Variants in TBC1D4 observed in about 807,000 individuals in gnomAD.
TBC1D4 encodes TBC (Tre-2, BUB2, CDC16) domain-containing protein.
TBC1D4 carries 121 observed loss-of-function variants against 142.5 expected under a neutral mutation model. The observed-to-expected ratio is 0.85, with a 90% confidence interval of 0.73 to 0.99. The LOEUF is 0.99. Among genes scored for constraint, TBC1D4 ranks in the 50% least tolerant of loss-of-function variants. The pLI, the probability that TBC1D4 is intolerant of heterozygous loss-of-function variation, is 0.00. For synonymous variants in TBC1D4, 630 were observed against 628.2 expected (o/e 1.00, Z -0.04); for missense variants, 1,475 against 1,606.6 (o/e 0.92, Z 1.40).
chr13:75,330,076 C>T (rs1383114898), intron 8 of TBC1D4, among the ~76,000 whole-genome samples: 1 of 152,162 alleles, frequency 6.6e-6, no homozygotes, highest in Admixed American at 6.5e-5. Flanking sequence ...TAAAAATTTC[C>T]TTGCAGGCAT....
chr13:75,302,144 T>C (rs1178444850), intron 16 of TBC1D4, 99 bp downstream of exon 16: 3 of 1,454,328 alleles, frequency 2.1e-6, no homozygotes, highest in Admixed American at 3.4e-5. Flanking sequence ...TGCCAACAGG[T>C]GCTCTTTATC....
chr13:75,297,247 T>G (rs1432636568), intron 17 of TBC1D4, among the ~76,000 whole-genome samples: 3 of 152,232 alleles, frequency 2.0e-5, no homozygotes, highest in Non-Finnish European at 4.4e-5. Flanking sequence ...CATGAATTTT[T>G]GTAATGTCAA....
intron 1 of TBC1D4, among the ~76,000 whole-genome samples, chr13:75,439,559 T>C (rs796429708): frequency 2.9e-4 from 44 of 152,356 alleles, no homozygotes; most frequent in African/African-American, 9.6e-4. Context: ...TATTCTTGCT[T>C]AGAATATATT....
intron 1 of TBC1D4, among the ~76,000 whole-genome samples, chr13:75,419,022 GT>G (rs1886044375): frequency 6.6e-6 from 1 of 151,988 alleles, no homozygotes; most frequent in Non-Finnish European, 1.5e-5. Context: ...TGATCTAAAC[GT>G]TTGTTTTGTG....
rs1299395630 is a variant in TBC1D4 at position 75,482,160 on chromosome 13, G to A, written c.-393C>T. On this transcript the variant is annotated 5_prime_UTR_variant, in exon 1 of 21. Transcript: ENST00000377636. ...CGCTGCGGCCGCCGCGCTCGCCTGGGGCAGACACTGGGTGGCTGGGCGGGG... is the reference window on the plus strand; with the variant it reads ...CGCTGCGGCCGCCGCGCTCGCCTGGAGCAGACACTGGGTGGCTGGGCGGGG... The A allele has an allele frequency of 6.1e-5, 11 of 181,414 alleles. No homozygotes were observed. The highest frequency in any genetic ancestry group is 7.9e-5 in the Non-Finnish European group (7 of 88,624). 11.2% of individuals were successfully genotyped at this position (181,414 alleles called of 1,614,324 possible).
intron 20 of TBC1D4, 86 bp downstream of exon 20, chr13:75,288,848 C>A (rs1874958315): frequency 3.6e-6 from 5 of 1,390,140 alleles, no homozygotes; most frequent in Non-Finnish European, 4.1e-6. Context: ...GTTCATTCCA[C>A]GCACATATCC....
At chr13:75,455,638 A>G (rs1887702492) in intron 1 of TBC1D4, among the ~76,000 whole-genome samples, 1 of 152,180 alleles carries the variant, frequency 6.6e-6, no homozygotes, top group Non-Finnish European at 1.5e-5. Flanking sequence ...CAAAACAATC[A>G]TAAAATAAAA....
chr13:75,417,669 G>A (rs552135414), intron 1 of TBC1D4, among the ~76,000 whole-genome samples: 1 of 152,258 alleles, frequency 6.6e-6, no homozygotes, highest in East Asian at 1.9e-4. Context: ...GGAATCAAGT[G>A]TGTTTTGTTT....
intron 1 of TBC1D4, among the ~76,000 whole-genome samples, chr13:75,389,828 C>A (rs1258241093): frequency 6.6e-6 from 1 of 152,088 alleles, no homozygotes; most frequent in Non-Finnish European, 1.5e-5. Context: ...GGACAAGGAC[C>A]AGCAGACAAT....
At chr13:75,413,442 G>A (rs1247212180) in intron 1 of TBC1D4, among the ~76,000 whole-genome samples, 1 of 152,158 alleles carries the variant, frequency 6.6e-6, no homozygotes, top group East Asian at 1.9e-4. Context: ...TTACAGGCGT[G>A]AGCCACCGCA....
chr13:75,388,354 T>C (rs1884297131), intron 1 of TBC1D4, among the ~76,000 whole-genome samples: 1 of 152,222 alleles, frequency 6.6e-6, no homozygotes, highest in Admixed American at 6.5e-5. Context: ...CTCAAAAAAT[T>C]GTGCAAATGC....
chr13:75,392,096 T>A (rs1005150250), intron 1 of TBC1D4, among the ~76,000 whole-genome samples: 10 of 152,246 alleles, frequency 6.6e-5, no homozygotes, highest in Non-Finnish European at 1.5e-4. Flanking sequence ...TGTACTTTTT[T>A]ATCTTTTTAA....
chr13:75,354,330 G>C (rs1473342465), intron 4 of TBC1D4, among the ~76,000 whole-genome samples: 1 of 152,158 alleles, frequency 6.6e-6, no homozygotes, highest in Non-Finnish European at 1.5e-5. Flanking sequence ...AAAATGAAGA[G>C]ATGGCAGATT....
chr13:75,380,941 C>T (rs1255872190), intron 1 of TBC1D4, among the ~76,000 whole-genome samples: 1 of 152,150 alleles, frequency 6.6e-6, no homozygotes, highest in Non-Finnish European at 1.5e-5. Context: ...CAAAATTTTA[C>T]AGTAAGACAG....
chr13:75,377,197 TCAAA>T (rs1883559964), intron 1 of TBC1D4: 1 of 152,158 alleles, frequency 6.6e-6, no homozygotes, highest in Non-Finnish European at 1.5e-5. Flanking sequence ...ACTTTAAACT[TCAAA>T]CAGAGTGAGG....
At chr13:75,339,493 A>T (rs1212734024) in intron 7 of TBC1D4, among the ~76,000 whole-genome samples, 1 of 151,974 alleles carries the variant, frequency 6.6e-6, no homozygotes, top group Non-Finnish European at 1.5e-5. Context: ...TTCCCCCACC[A>T]ATCCCCAAGC....
chr13:75,304,603 G>A (rs889774674), intron 15 of TBC1D4, among the ~76,000 whole-genome samples: 1 of 152,154 alleles, frequency 6.6e-6, no homozygotes, highest in Admixed American at 6.5e-5. Context: ...GGGCAGGGGT[G>A]GTGCTCTGAG....
intron 1 of TBC1D4, among the ~76,000 whole-genome samples, chr13:75,438,241 T>C (rs1321284400): frequency 6.6e-6 from 1 of 152,180 alleles, no homozygotes; most frequent in Non-Finnish European, 1.5e-5. Context: ...AACTTATAAC[T>C]GATAAAACAA....
At chr13:75,315,157 A>T (rs1287072820) in intron 12 of TBC1D4, among the ~76,000 whole-genome samples, 2 of 151,018 alleles carry the variant, frequency 1.3e-5, no homozygotes, top group African/African-American at 4.9e-5. Flanking sequence ...AAAATACAAA[A>T]ATTAGCCAGG....
Sources: allele counts gnomAD v4.1 joint callset (sites outside exome capture counted in the v4.1 genomes callset), GRCh38; gene constraint gnomAD v4.1.1; transcripts MANE v1.5; gene names NCBI Gene and HGNC (gene_info 2026-07-23, HGNC 2026-07-21).